KMT5B: variants seen among roughly 807,000 people sequenced by gnomAD.
The protein encoded by KMT5B is lysine methyltransferase 5B, also known as histone-lysine N-methyltransferase KMT5B.
In KMT5B, 10 loss-of-function variants were observed where a neutral mutation model predicts 83.2. That is an observed-to-expected ratio of 0.12 (90% CI 0.07 to 0.20). KMT5B has a LOEUF of 0.20. Ranked by LOEUF, KMT5B falls within the 10% of genes least tolerant of loss-of-function variation. The pLI, the probability that KMT5B is intolerant of heterozygous loss-of-function variation, is 1.00. For synonymous variants in KMT5B, 349 were observed against 388.8 expected (o/e 0.90, Z 1.20); for missense variants, 753 against 1,067.2 (o/e 0.71, Z 4.10).
chr11:68,164,121 C>T (rs1193844400), intron 10 of KMT5B, among the ~76,000 whole-genome samples: 1 of 152,218 alleles, frequency 6.6e-6, no homozygotes, highest in Non-Finnish European at 1.5e-5. Context: ...TAATTCAGAC[C>T]TGTGGACTGG....
At chr11:68,204,201 G>C (rs1012407706) in intron 1 of KMT5B, among the ~76,000 whole-genome samples, 29 of 152,198 alleles carry the variant, frequency 1.9e-4, no homozygotes, top group African/African-American at 7.0e-4. Flanking sequence ...GACTAAACTT[G>C]TTGAGCTAAC....
intron 9 of KMT5B, among the ~76,000 whole-genome samples, chr11:68,168,382 C>T (rs1274677677): frequency 6.7e-6 from 1 of 150,322 alleles, no homozygotes; most frequent in Non-Finnish European, 1.5e-5. Flanking sequence ...GTCACCCAAG[C>T]TGGAGTGCAG....
At chr11:68,162,093 G>A (rs774639053) in intron 10 of KMT5B, among the ~76,000 whole-genome samples, 44 of 152,132 alleles carry the variant, frequency 2.9e-4, no homozygotes, top group African/African-American at 9.7e-4. Flanking sequence ...ACCATGTGCC[G>A]TGGAGTCCAC....
chr11:68,187,280 G>C (rs1857528442), intron 2 of KMT5B, among the ~76,000 whole-genome samples: 1 of 152,310 alleles, frequency 6.6e-6, no homozygotes, highest in Admixed American at 6.5e-5. Flanking sequence ...TTACAGGCGT[G>C]AGCCACCACG....
intron 5 of KMT5B, among the ~76,000 whole-genome samples, 194 bp downstream of exon 5, chr11:68,174,824 A>G (rs529473074): frequency 6.6e-6 from 1 of 152,306 alleles, no homozygotes; most frequent in East Asian, 1.9e-4. Context: ...GATTACAAGC[A>G]TGAGCCACTG....
At chr11:68,212,324 C>T (rs957194011) in intron 1 of KMT5B, among the ~76,000 whole-genome samples, 1 of 152,228 alleles carries the variant, frequency 6.6e-6, no homozygotes, top group Non-Finnish European at 1.5e-5. Flanking sequence ...ACTCCCCCCA[C>T]TCCAGGTAAA....
chr11:68,201,917 CCAAA>C (rs1859486485), intron 1 of KMT5B, among the ~76,000 whole-genome samples: 1 of 137,394 alleles, frequency 7.3e-6, no homozygotes, highest in Non-Finnish European at 1.6e-5. Flanking sequence ...CCAGTCTCTA[CCAAA>C]AAAAAAAAAA....
chr11:68,166,206 G>A, intron 10 of KMT5B: 1 of 1,298,138 alleles, frequency 7.7e-7, no homozygotes, highest in South Asian at 2.4e-5. Context: ...AAAAACAGGA[G>A]CAATTAGAAA....
At chr11:68,170,884 C>G (rs1437275899) in intron 9 of KMT5B, 131 bp downstream of exon 9, 3 of 972,238 alleles carry the variant, frequency 3.1e-6, no homozygotes, top group Non-Finnish European at 1.5e-6. Flanking sequence ...ACACACTGCA[C>G]CAGCCGCTAT....
upstream of KMT5B, chr11:68,213,399 TCGCGCCCCC>T (rs1238731315): frequency 3.2e-5 from 4 of 126,760 alleles, no homozygotes; most frequent in Admixed American, 1.5e-4. Context: ...GCCGCCGCCG[TCGCGCCCCC>T]CGCGCCCCCG....
intron 10 of KMT5B, chr11:68,165,775 C>CA: frequency 6.6e-7 from 1 of 1,520,396 alleles, no homozygotes; most frequent in East Asian, 2.3e-5. Flanking sequence ...GATTGACTAA[C>CA]TCTTGTTGTT....
chr11:68,159,279 G>T, intron 10 of KMT5B, 108 bp from the exon 11 acceptor site: 1 of 1,425,224 alleles, frequency 7.0e-7, no homozygotes, highest in East Asian at 2.4e-5. Context: ...TTACACAAAC[G>T]CCAACACCAC....
At chr11:68,165,857 GGACTCT>G in intron 10 of KMT5B, 4 of 1,612,754 alleles carry the variant, frequency 2.5e-6, no homozygotes, top group Non-Finnish European at 3.4e-6. Context: ...GGTTATGCTT[GGACTCT>G]GACTCCCAGC....
intron 1 of KMT5B, among the ~76,000 whole-genome samples, chr11:68,199,785 TG>T (rs770760285): frequency 7.2e-5 from 11 of 152,134 alleles, no homozygotes; most frequent in Admixed American, 2.0e-4. Context: ...GCAGCAGAGG[TG>T]GCAAGAAGTG....
chr11:68,154,877 G>A lies in KMT5B; in HGVS notation c.*2811C>T, dbSNP rs541490015. 2 of 151,268 alleles carry A rather than the reference G, an allele frequency of 1.3e-5. No homozygotes were observed. The highest frequency in any genetic ancestry group is 2.4e-5 in the African/African-American group (1 of 41,134). The allele number at this position is 151,268 out of a possible 1,614,324, so 9.4% of individuals were successfully genotyped here. A position where few individuals can be genotyped will look rare whatever the true frequency, so the allele number is the denominator to read the frequency against. ...CACCGGCCAAATTGTTTTAATTTCC[G>A]AATTTATTAAAATGATTAACCTCAA... On this transcript the variant is annotated 3_prime_UTR_variant, in exon 11 of 11. Coordinates refer to ENST00000304363, the MANE Select transcript of KMT5B (RefSeq NM_017635.5).
intron 2 of KMT5B, among the ~76,000 whole-genome samples, chr11:68,189,026 G>A (rs1172512114): frequency 6.6e-6 from 1 of 152,152 alleles, no homozygotes; most frequent in Non-Finnish European, 1.5e-5. Context: ...GGTAGCCTGG[G>A]CCCAATGAAT....
At chr11:68,181,153 C>T (rs1856890677) in intron 3 of KMT5B, among the ~76,000 whole-genome samples, 2 of 151,528 alleles carry the variant, frequency 1.3e-5, no homozygotes, top group Admixed American at 1.3e-4. Context: ...AGGCTCACTG[C>T]AACCTCTGCC....
At chr11:68,164,492 G>T (rs909897953) in intron 10 of KMT5B, among the ~76,000 whole-genome samples, 1 of 152,144 alleles carries the variant, frequency 6.6e-6, no homozygotes, top group African/African-American at 2.4e-5. Flanking sequence ...AACACCAAAA[G>T]AAATACAGCC....
intron 10 of KMT5B, among the ~76,000 whole-genome samples, chr11:68,161,967 C>A (rs1308492667): frequency 6.6e-6 from 1 of 152,204 alleles, no homozygotes; most frequent in Non-Finnish European, 1.5e-5. Context: ...CTGACGACGT[C>A]CCCTTTCGAG....
Sources: allele counts gnomAD v4.1 joint callset (sites outside exome capture counted in the v4.1 genomes callset), GRCh38; gene constraint gnomAD v4.1.1; transcripts MANE v1.5; gene names NCBI Gene and HGNC (gene_info 2026-07-23, HGNC 2026-07-21).